Variants in TENM3 observed in about 807,000 individuals in gnomAD.
The protein encoded by TENM3 is teneurin-3.
A neutral mutation model predicts 255.1 loss-of-function variants in TENM3; 63 were observed. The ratio of observed to expected loss-of-function variants is 0.25; its 90% CI spans 0.20 to 0.30. The LOEUF is 0.30. TENM3 is among the 10% of genes least tolerant of loss of function. The pLI, the probability that TENM3 is intolerant of heterozygous loss-of-function variation, is 1.00. For missense variants in TENM3, 2,929 were observed against 3,461.1 expected (o/e 0.85, Z 3.86); for synonymous variants, 1,306 against 1,322.3 (o/e 0.99, Z 0.27).
the TENM3 span, among the ~76,000 whole-genome samples, chr4:181,669,457 A>G: frequency 2.6e-5 from 4 of 152,136 alleles, no homozygotes; most frequent in African/African-American, 9.7e-5. Context: ...GGAAATACAC[A>G]ATATACCCCC....
Position 182,201,638 on chromosome 4 carries a change from G to A in TENM3, c.-76+56884G>A, listed in dbSNP as rs545723197. Among the ~76,000 whole-genome samples, 15 of 152,130 alleles carry A rather than the reference G, an allele frequency of 9.9e-5. No homozygotes were observed. The South Asian group carries it at 1.2e-3, about 13-fold the overall frequency. On this transcript the variant is annotated intron_variant, in intron 1 of 2. Coordinates refer to the TENM3 transcript ENST00000512480. The stretch of plus-strand genomic sequence containing the variant: ...GCAGCGGCTGGCCAGCAGGAGCAGC[G>A]GAAGGGGGTCTGAAGTTATTCCCAT...
At chr4:181,562,311 C>T in the TENM3 span, among the ~76,000 whole-genome samples, 1 of 151,982 alleles carries the variant, frequency 6.6e-6, no homozygotes, top group African/African-American at 2.4e-5. Context: ...GATAGATCAA[C>T]ATTCATTTTA....
At chr4:182,025,805 T>A in the TENM3 span, among the ~76,000 whole-genome samples, 1 of 152,172 alleles carries the variant, frequency 6.6e-6, no homozygotes, top group Non-Finnish European at 1.5e-5. Flanking sequence ...ATAGGCCTGT[T>A]TGCCATTATA....
chr4:182,122,543 T>G, the TENM3 span, among the ~76,000 whole-genome samples: 1 of 152,204 alleles, frequency 6.6e-6, no homozygotes, highest in Non-Finnish European at 1.5e-5. Context: ...CAGTCATATT[T>G]TGAAAGGCAT....
chr4:181,615,124 A>G, the TENM3 span, among the ~76,000 whole-genome samples: 1 of 151,886 alleles, frequency 6.6e-6, no homozygotes, highest in Non-Finnish European at 1.5e-5. Context: ...TCCTTGAATC[A>G]CTCCTCTGGG....
chr4:181,988,866 C>A, the TENM3 span, among the ~76,000 whole-genome samples: 1 of 151,860 alleles, frequency 6.6e-6, no homozygotes. Flanking sequence ...GCCAGAGACA[C>A]CTCTCCCTGC....
chr4:182,241,933 AC>A (rs1418875132), upstream of TENM3, among the ~76,000 whole-genome samples: 1 of 148,318 alleles, frequency 6.7e-6, no homozygotes, highest in African/African-American at 2.5e-5. Flanking sequence ...AAGCCAGTGG[AC>A]CCTTTTCAGT....
Position 182,730,217 on chromosome 4 carries a change from G to A in TENM3, c.2603G>A (p.Arg868Lys). 6.2e-7 allele frequency: 1 copy of A among 1,613,782 alleles called. No individual in the cohort carries two copies. Among genetic ancestry groups the A allele is most frequent in the Non-Finnish European group, 8.5e-7 (1 of 1,179,790 alleles). Reference protein sequence around the residue: ...PFNKSLASVIRGQVLTADGTP... With the variant: ...PFNKSLASVIKGQVLTADGTP... ...TCCAACAGCCTTGCATCTGTCATCA[G>A]AGGCCAAGTACTGACTGCTGATGGA... Residue 868 changes from arginine (R) to lysine (K), a missense_variant, in exon 15 of 28, where the codon AGA (arginine) becomes AAA (lysine). By Grantham distance (26) the Arg-to-Lys change is conservative. Transcript: ENST00000511685.
At chr4:181,668,080 G>A in the TENM3 span, among the ~76,000 whole-genome samples, 1 of 152,120 alleles carries the variant, frequency 6.6e-6, no homozygotes, top group Non-Finnish European at 1.5e-5. Flanking sequence ...TTCATTCTGG[G>A]CCCAATGCAT....
chr4:182,303,674 AT>A (rs1188426816), intron 1 of TENM3, among the ~76,000 whole-genome samples: 1 of 152,088 alleles, frequency 6.6e-6, no homozygotes, highest in East Asian at 1.9e-4. Flanking sequence ...AGATTTCCTT[AT>A]GTGTAAAAAC....
At position 182,620,970 on chromosome 4, in the gene TENM3, A is replaced by G. The variant is rs1356090950; in HGVS notation, c.750-7681A>G. On this transcript the variant is annotated intron_variant, in intron 4 of 27. Transcript: ENST00000511685. ...CAAGGCGGGTGGATCCCCTGAGGTC[A>G]GGAGATCGAGACCATCCTGGCTAAC... 2.0e-5 allele frequency among the ~76,000 whole-genome samples: 3 copies of G among 152,152 alleles called. No individual in the cohort carries two copies. The East Asian group carries it at 5.8e-4, about 29-fold the overall frequency.
intron 1 of TENM3, among the ~76,000 whole-genome samples, chr4:182,255,248 T>G (rs1445786111): frequency 4.6e-5 from 7 of 152,132 alleles, no homozygotes; most frequent in Non-Finnish European, 1.0e-4. Context: ...AACACAGTTT[T>G]GAGTCTATAG....
intron 3 of TENM3, among the ~76,000 whole-genome samples, chr4:182,526,618 A>G (rs903697292): frequency 2.6e-5 from 4 of 152,178 alleles, no homozygotes; most frequent in African/African-American, 9.7e-5. Flanking sequence ...TGTAAACTCC[A>G]TGAAGGTCGA....
At chr4:182,261,131 C>T (rs1174382880) in intron 1 of TENM3, among the ~76,000 whole-genome samples, 1 of 152,150 alleles carries the variant, frequency 6.6e-6, no homozygotes, top group African/African-American at 2.4e-5. Flanking sequence ...GCCTCAGTCT[C>T]CCAAAGTGCT....
At chr4:181,955,324 G>A in the TENM3 span, among the ~76,000 whole-genome samples, 1 of 152,084 alleles carries the variant, frequency 6.6e-6, no homozygotes, top group Non-Finnish European at 1.5e-5. Flanking sequence ...CTGCTTCCTT[G>A]CCCTTCCCTA....
chr4:182,633,943 C>T (rs184358597), intron 5 of TENM3, among the ~76,000 whole-genome samples: 1 of 152,296 alleles, frequency 6.6e-6, no homozygotes, highest in African/African-American at 2.4e-5. Context: ...GTTGTGCTTT[C>T]CAAGCATTCC....
At chr4:182,674,849 G>A (rs886737388) in intron 7 of TENM3, among the ~76,000 whole-genome samples, 31 of 152,048 alleles carry the variant, frequency 2.0e-4, no homozygotes, top group African/African-American at 7.0e-4. Flanking sequence ...GGGATTACAG[G>A]CATGAGCCAC....
chr4:182,580,568 C>G (rs190390464), intron 3 of TENM3, among the ~76,000 whole-genome samples: 1 of 151,788 alleles, frequency 6.6e-6, no homozygotes, highest in Non-Finnish European at 1.5e-5. Flanking sequence ...TTTGACAGCT[C>G]CATTAGATCT....
At chr4:181,884,536 A>T in the TENM3 span, among the ~76,000 whole-genome samples, 1 of 152,120 alleles carries the variant, frequency 6.6e-6, no homozygotes, top group African/African-American at 2.4e-5. Context: ...TGTGTACCTC[A>T]TATAAGTGGA....
Sources: gnomAD v4.1 joint callset for allele counts (sites outside exome capture counted in the v4.1 genomes callset) on GRCh38, gnomAD v4.1.1 for gene constraint, MANE v1.5 for transcripts, NCBI Gene and HGNC (gene_info 2026-07-23, HGNC 2026-07-21) for gene names.